Variants in TENM2 observed in about 807,000 individuals in gnomAD.
TENM2 encodes the protein teneurin transmembrane protein 2, also known as teneurin-2.
A neutral mutation model predicts 245.2 loss-of-function variants in TENM2; 52 were observed. The observed-to-expected ratio is 0.21, with a 90% CI of 0.17 to 0.27. The LOEUF (loss-of-function observed/expected upper bound fraction) is 0.27, where lower values mean the gene tolerates loss of function less well. Ranked by LOEUF, TENM2 falls within the 10% of genes least tolerant of loss-of-function variation. TENM2 has a pLI of 1.00. For missense variants in TENM2, 3,046 were observed against 3,666.8 expected (o/e 0.83, Z 4.37); for synonymous variants, 1,363 against 1,438.9 (o/e 0.95, Z 1.19).
intron 8 of TENM2, among the ~76,000 whole-genome samples, chr5:168,092,351 C>T (rs1489427802): frequency 1.3e-5 from 2 of 152,222 alleles, no homozygotes; most frequent in East Asian, 1.9e-4. Flanking sequence ...GGCCCACTGC[C>T]TGTTTTTATG....
chr5:167,064,035 G>C, the TENM2 span, among the ~76,000 whole-genome samples: 4 of 152,162 alleles, frequency 2.6e-5, no homozygotes, highest in Admixed American at 1.3e-4. Flanking sequence ...ACTCTCATCT[G>C]TTTGTCACCC....
chr5:167,880,722 C>T (rs528230515), intron 3 of TENM2, among the ~76,000 whole-genome samples: 5 of 152,250 alleles, frequency 3.3e-5, no homozygotes, highest in South Asian at 2.1e-4. Context: ...AGACATAGAG[C>T]GCACTTTCCA....
chr5:167,450,835 T>C (rs1765530945), intron 2 of TENM2, among the ~76,000 whole-genome samples: 2 of 152,178 alleles, frequency 1.3e-5, no homozygotes, highest in African/African-American at 2.4e-5. Context: ...TACTGGGTGG[T>C]ATGACTTATT....
At chr5:167,884,097 A>G (rs1369139553) in intron 3 of TENM2, among the ~76,000 whole-genome samples, 1 of 144,114 alleles carries the variant, frequency 6.9e-6, no homozygotes, top group Non-Finnish European at 1.5e-5. Context: ...TAAAACAACA[A>G]TAAGTGTCTA....
At chr5:167,087,090 C>T in the TENM2 span, among the ~76,000 whole-genome samples, 3 of 152,136 alleles carry the variant, frequency 2.0e-5, no homozygotes, top group African/African-American at 7.2e-5. Flanking sequence ...TGATATGGTG[C>T]AGACCTAGGA....
intron 17 of TENM2, among the ~76,000 whole-genome samples, chr5:168,200,599 G>A (rs968209204): frequency 1.3e-5 from 2 of 152,184 alleles, no homozygotes; most frequent in Non-Finnish European, 2.9e-5. Flanking sequence ...TGGGAGAGAG[G>A]TGGTCAGGGG....
intron 2 of TENM2, among the ~76,000 whole-genome samples, chr5:167,760,013 C>T (rs1384474764): frequency 6.6e-6 from 1 of 152,198 alleles, no homozygotes; most frequent in Non-Finnish European, 1.5e-5. Flanking sequence ...CTTACTTGAG[C>T]TTACTAGAGC....
the TENM2 span, among the ~76,000 whole-genome samples, chr5:167,018,045 G>A: frequency 1.3e-5 from 2 of 152,072 alleles, no homozygotes; most frequent in Admixed American, 1.3e-4. Flanking sequence ...ACATTGAATA[G>A]TCCTTTAGGA....
chr5:167,768,259 C>A (rs994186036), intron 2 of TENM2, among the ~76,000 whole-genome samples: 1 of 151,966 alleles, frequency 6.6e-6, no homozygotes, highest in East Asian at 1.9e-4. Context: ...GTAGATAGTT[C>A]TTTATGTGAT....
chr5:167,192,813 G>A, the TENM2 span, among the ~76,000 whole-genome samples: 1 of 152,038 alleles, frequency 6.6e-6, no homozygotes, highest in African/African-American at 2.4e-5. Context: ...TGTTATGTAA[G>A]CACGCAACTT....
At chr5:167,257,891 T>A in the TENM2 span, among the ~76,000 whole-genome samples, 1 of 151,986 alleles carries the variant, frequency 6.6e-6, no homozygotes, top group African/African-American at 2.4e-5. Context: ...TTCATGAGAA[T>A]TAATTTGGAT....
the TENM2 span, among the ~76,000 whole-genome samples, chr5:167,083,781 G>A: frequency 6.6e-6 from 1 of 152,146 alleles, no homozygotes; most frequent in Non-Finnish European, 1.5e-5. Context: ...CAGTCTTTAT[G>A]GATTGCCAGC....
chr5:168,062,622 A>G (rs996662350), intron 7 of TENM2, among the ~76,000 whole-genome samples: 10 of 152,200 alleles, frequency 6.6e-5, no homozygotes, highest in Non-Finnish European at 1.0e-4. Flanking sequence ...AAACAGTAGA[A>G]CCAACCCAAA....
chr5:168,119,867 A>T lies in TENM2; in HGVS notation c.2008+1381A>T, dbSNP rs1280208304. Among the ~76,000 whole-genome samples, 3 of 152,330 alleles carry T rather than the reference A, an allele frequency of 2.0e-5. No individual in the cohort carries two copies. The South Asian group carries it at 6.2e-4, about 32-fold the overall frequency. On this transcript the variant is annotated intron_variant, in intron 10 of 28. Transcript: ENST00000518659. ...ACCACCCAAGATATCCCCATAGAAA[A>T]GATCCTGTTGGATGCCATATGCATT...
intron 28 of TENM2, among the ~76,000 whole-genome samples, chr5:168,260,822 A>C (rs750489737): frequency 1.3e-5 from 2 of 152,152 alleles, no homozygotes; most frequent in Non-Finnish European, 2.9e-5. Flanking sequence ...GCCCCACATA[A>C]AACCTCGGCG....
the TENM2 span, among the ~76,000 whole-genome samples, chr5:167,138,604 C>G: frequency 6.6e-6 from 1 of 152,042 alleles, no homozygotes; most frequent in African/African-American, 2.4e-5. Context: ...CTTAACTAAT[C>G]TTTGTTTTGT....
At chr5:167,858,776 C>T (rs1205504207) in intron 2 of TENM2, among the ~76,000 whole-genome samples, 1 of 150,502 alleles carries the variant, frequency 6.6e-6, no homozygotes, top group African/African-American at 2.4e-5. Context: ...CAGCGGGCAG[C>T]GGAGCTGTCT....
intron 2 of TENM2, among the ~76,000 whole-genome samples, chr5:167,392,469 T>C (rs901162831): frequency 6.6e-6 from 1 of 152,194 alleles, no homozygotes; most frequent in African/African-American, 2.4e-5. Flanking sequence ...AGGTTGAGTT[T>C]ACTCTGGCTG....
At chr5:167,323,750 T>C (rs1756916486) in intron 1 of TENM2, among the ~76,000 whole-genome samples, 1 of 152,204 alleles carries the variant, frequency 6.6e-6, no homozygotes, top group African/African-American at 2.4e-5. Flanking sequence ...TGATTGGTTC[T>C]TATTCCCAGG....
Sources: allele counts gnomAD v4.1 joint callset (sites outside exome capture counted in the v4.1 genomes callset), GRCh38; gene constraint gnomAD v4.1.1; transcripts MANE v1.5; gene names NCBI Gene and HGNC (gene_info 2026-07-23, HGNC 2026-07-21).